Variants in TAFA1 observed in about 807,000 individuals in gnomAD.
TAFA1 encodes the protein chemokine-like protein TAFA-1.
A neutral mutation model predicts 18.5 loss-of-function variants in TAFA1; 4 were observed. The observed-to-expected ratio is 0.22, with a 90% CI of 0.11 to 0.49. TAFA1 has a LOEUF of 0.49. Ranked by LOEUF, TAFA1 falls within the 20% of genes least tolerant of loss-of-function variation. The pLI is 0.98. For missense variants in TAFA1, 147 were observed against 169.0 expected, an observed-to-expected ratio of 0.87 and a Z score of 0.72; for synonymous variants, 56 against 55.2, an observed-to-expected ratio of 1.01 and a Z score of -0.06.
intron 2 of TAFA1, among the ~76,000 whole-genome samples, chr3:68,223,328 G>A (rs1480196858): frequency 6.6e-6 from 1 of 152,142 alleles, no homozygotes; most frequent in African/African-American, 2.4e-5. Flanking sequence ...TTCAATAAAT[G>A]AGCACTTACT....
chr3:68,246,172 T>C (rs1322474758), intron 2 of TAFA1, among the ~76,000 whole-genome samples: 1 of 152,206 alleles, frequency 6.6e-6, no homozygotes, highest in Non-Finnish European at 1.5e-5. Flanking sequence ...GCCTTCATTG[T>C]GTCCAAACAA....
chr3:68,378,295 A>G (rs2069860301), intron 2 of TAFA1, among the ~76,000 whole-genome samples: 1 of 152,200 alleles, frequency 6.6e-6, no homozygotes, highest in Non-Finnish European at 1.5e-5. Context: ...AGAACATGAA[A>G]CATGGAGTCA....
rs201531729 is a variant in TAFA1, at chr3:68,271,834, T to TCACA, written c.119-145445_119-145444insACAC. Among the ~76,000 whole-genome samples, 1,279 of 150,498 alleles carry TCACA rather than the reference T, an allele frequency of 8.5e-3. 14 individuals carry two copies. Among genetic ancestry groups the TCACA allele is most frequent in the African/African-American group, 0.028 (1,120 of 40,532 alleles). On this transcript the variant is annotated intron_variant, in intron 2 of 4. Transcript: ENST00000478136. ...TTGTCTATCTCTCTCTCTCTCTCTC[T>TCACA]CTCACACACACACACACACACACAC...
chr3:68,199,939 C>T (rs2066452766), intron 2 of TAFA1, among the ~76,000 whole-genome samples: 2 of 151,484 alleles, frequency 1.3e-5, no homozygotes, highest in South Asian at 2.1e-4. Flanking sequence ...GGGAAAGCTT[C>T]TAGTTTCTCA....
In TAFA1 at chr3:68,417,394, C is replaced by T. The variant is rs1062725; in HGVS notation, c.233C>T (p.Thr78Ile). The stretch of plus-strand genomic sequence containing the variant: ...CTACCTGGAAAAGTGGCTGGAACAA[C>T]AAGAAACCGGCCTTCTTGCGTCGAT... ...SCLPGKVAGTTRNRPSCVDAS... is the reference protein window; with the variant it reads ...SCLPGKVAGTIRNRPSCVDAS... The change falls in exon 3 of 5, where the codon ACA becomes ATA. Residue 78 changes from threonine to isoleucine, a missense_variant. Transcript: ENST00000478136. The T allele has an allele frequency of 6.2e-7, 1 of 1,613,578 alleles. No homozygotes were observed.
chr3:68,450,283 A>G (rs1450351790), intron 3 of TAFA1, among the ~76,000 whole-genome samples: 1 of 152,236 alleles, frequency 6.6e-6, no homozygotes, highest in Non-Finnish European at 1.5e-5. Context: ...AGGAAAGGAA[A>G]GGCAGATTTA....
intron 2 of TAFA1, among the ~76,000 whole-genome samples, chr3:68,124,656 T>G (rs2065442626): frequency 5.9e-5 from 9 of 152,226 alleles, no homozygotes; most frequent in Admixed American, 4.6e-4. Context: ...AAATATTATC[T>G]AATTAATTAG....
At chr3:68,071,063 C>A (rs1031966768) in intron 2 of TAFA1, among the ~76,000 whole-genome samples, 6 of 152,236 alleles carry the variant, frequency 3.9e-5, no homozygotes, top group African/African-American at 1.4e-4. Context: ...TTTCAGGTAT[C>A]TTTTCAGCAG....
chr3:68,262,975 T>C (rs138237822), intron 2 of TAFA1, among the ~76,000 whole-genome samples: 1 of 152,354 alleles, frequency 6.6e-6, no homozygotes, highest in East Asian at 1.9e-4. Context: ...ACTGCTTATT[T>C]GAGTCATGGA....
At chr3:68,364,632 G>T (rs1282554791) in intron 2 of TAFA1, among the ~76,000 whole-genome samples, 1 of 152,138 alleles carries the variant, frequency 6.6e-6, no homozygotes, top group Non-Finnish European at 1.5e-5. Context: ...GGGAAACTGA[G>T]ATGTATATCT....
At chr3:68,051,622 C>G (rs900643028) in intron 2 of TAFA1, among the ~76,000 whole-genome samples, 1 of 152,184 alleles carries the variant, frequency 6.6e-6, no homozygotes, top group Non-Finnish European at 1.5e-5. Context: ...AAGAAACTCT[C>G]GTTTAGATTG....
intron 2 of TAFA1, among the ~76,000 whole-genome samples, chr3:68,205,301 G>GA (rs1394818431): frequency 6.6e-6 from 1 of 151,842 alleles, no homozygotes; most frequent in Non-Finnish European, 1.5e-5. Context: ...GTTCATTTCA[G>GA]AACCCCTCTT....
intron 3 of TAFA1, among the ~76,000 whole-genome samples, chr3:68,514,032 C>A (rs1029577370): frequency 1.3e-5 from 2 of 152,114 alleles, no homozygotes; most frequent in African/African-American, 2.4e-5. Context: ...CACTTCCCCA[C>A]AGGTAGCTGT....
chr3:68,330,739 T>C (rs938122812), intron 2 of TAFA1, among the ~76,000 whole-genome samples: 5 of 152,198 alleles, frequency 3.3e-5, no homozygotes, highest in African/African-American at 1.2e-4. Flanking sequence ...CTGTGTTTTA[T>C]TCATTTATTT....
intron 2 of TAFA1, among the ~76,000 whole-genome samples, chr3:68,118,739 G>C (rs150150688): frequency 1.3e-5 from 2 of 152,234 alleles, no homozygotes; most frequent in East Asian, 3.9e-4. Context: ...ATACACCATT[G>C]TGTGTATATA....
At chr3:68,039,005 A>G (rs1466521793) in intron 2 of TAFA1, among the ~76,000 whole-genome samples, 1 of 152,190 alleles carries the variant, frequency 6.6e-6, no homozygotes, top group African/African-American at 2.4e-5. Flanking sequence ...ATCCTGCTTC[A>G]GTATCTTCCT....
chr3:68,319,728 G>A (rs2068667536), intron 2 of TAFA1, among the ~76,000 whole-genome samples: 1 of 152,100 alleles, frequency 6.6e-6, no homozygotes, highest in Admixed American at 6.5e-5. Flanking sequence ...GCTCAAAATG[G>A]ATTGAGAAAT....
At chr3:68,347,500 A>C (rs262219) in intron 2 of TAFA1, among the ~76,000 whole-genome samples, 60,893 of 152,122 alleles carry the variant, frequency 0.4, 12,489 homozygotes, top group South Asian at 0.52. Flanking sequence ...TATTTATTTC[A>C]TAATGGATCA....
chr3:68,531,121 T>C (rs2073182899), intron 3 of TAFA1, among the ~76,000 whole-genome samples: 1 of 152,132 alleles, frequency 6.6e-6, no homozygotes. Flanking sequence ...CTGTGTAAGC[T>C]TGGGAAAGTT....
Sources: allele counts gnomAD v4.1 joint callset (sites outside exome capture counted in the v4.1 genomes callset), GRCh38; gene constraint gnomAD v4.1.1; transcripts MANE v1.5; gene names NCBI Gene and HGNC (gene_info 2026-07-23, HGNC 2026-07-21).